The following RYR2 variants were observed in gnomAD, a reference collection of about 807,000 sequenced individuals.
RYR2 encodes the protein ryanodine receptor 2, also known as cardiac muscle ryanodine receptor-calcium release channel.
RYR2 carries 227 observed loss-of-function variants against 601.1 expected under a neutral mutation model. The ratio of observed to expected loss-of-function variants is 0.38; its 90% CI spans 0.34 to 0.42. RYR2 has a LOEUF of 0.42. RYR2 is among the 10% of genes least tolerant of loss of function. RYR2 has a pLI of 1.00. For missense variants in RYR2, 4,646 were observed against 6,156.5 expected (o/e 0.75, Z 8.21); for synonymous variants, 2,223 against 2,175.1 (o/e 1.02, Z -0.61).
Position 237,806,296 on chromosome 1 carries a change from T to C in RYR2, c.14298+13T>C, listed in dbSNP as rs759797542. 1.9e-6 allele frequency: 3 copies of C among 1,602,520 alleles called. No individual in the cohort carries two copies. The East Asian group carries it at 6.7e-5, about 36-fold the overall frequency. On this transcript the variant is annotated intron_variant, in intron 99 of 104. Coordinates refer to ENST00000366574, the MANE Select transcript of RYR2 (RefSeq NM_001035.3). ...CAATGGCAAACAGGTAAACAGTTTA[T>C]CTTTTTCCTCCCTTGCAGAAAATAA...
Position 237,687,481 on chromosome 1 carries a change from T to G in RYR2, c.9044T>G (p.Val3015Gly). Reference protein sequence around the residue: ...TSLFCKLGVLVRHRISLFGND... With the variant: ...TSLFCKLGVLGRHRISLFGND... ...CTATTCTGCAAACTTGGAGTTCTTG[T>G]CAGGCATAGGATTTCACTATTTGGT... The change falls in exon 63 of 105, where the codon GTC (valine) becomes GGC (glycine). Residue 3015 changes from valine (V) to glycine (G), a missense_variant. Val to Gly is a moderately radical substitution (Grantham distance 109). Around this residue, in one of 17 missense-constraint regions of RYR2, gnomAD observed 1,497 missense variants for 1,842.6 expected, o/e 0.81. Coordinates refer to ENST00000366574, the MANE Select transcript of RYR2 (RefSeq NM_001035.3). The G allele has an allele frequency of 1.2e-6, 2 of 1,609,116 alleles. No homozygotes were observed. The highest frequency in any genetic ancestry group is 1.7e-6 in the Non-Finnish European group (2 of 1,176,700).
chr1:237,419,407 C>T (rs913503258), intron 11 of RYR2, among the ~76,000 whole-genome samples: 4 of 151,946 alleles, frequency 2.6e-5, no homozygotes, highest in African/African-American at 9.7e-5. Flanking sequence ...ATTCTTCAAA[C>T]TTCTGAATTA....
chr1:237,783,568 G>A (rs766394453), intron 89 of RYR2, 107 bp from the exon 90 acceptor site: 2 of 665,900 alleles, frequency 3.0e-6, no homozygotes, highest in Admixed American at 2.9e-5. Flanking sequence ...AGATAAACAG[G>A]GACATATCCT....
chr1:237,118,924 G>A (rs1478696747), intron 1 of RYR2, among the ~76,000 whole-genome samples: 1 of 151,618 alleles, frequency 6.6e-6, no homozygotes, highest in Non-Finnish European at 1.5e-5. Flanking sequence ...ACGTGAAAAA[G>A]GAAAAACCCC....
rs1391708000 is a variant in RYR2 at position 237,614,063 on chromosome 1, A to G, written c.4935A>G (p.Thr1645=). 6.2e-7 allele frequency: 1 copy of G among 1,613,366 alleles called. No individual in the cohort carries two copies. ...GATCTGTTGACATCTTAGAGTTGAC[A>G]GAGCAGGAGGAATTGCTGAAATTTC... The part of the protein sequence containing the change: ...ENRSVDILEL[T]EQEELLKFHY... The change falls in exon 37 of 105, where the codon ACA becomes ACG. Residue 1645 remains threonine, a synonymous_variant. Coordinates refer to ENST00000366574, the MANE Select transcript of RYR2 (RefSeq NM_001035.3). This position sits in a 1 kb window ranked among gnomAD's most constrained non-coding sequence, Gnocchi z 4.3.
intron 84 of RYR2, among the ~76,000 whole-genome samples, chr1:237,765,811 C>T (rs1693807199): frequency 6.6e-6 from 1 of 152,168 alleles, no homozygotes; most frequent in African/African-American, 2.4e-5. Flanking sequence ...CTTTGAAGCG[C>T]TCATTTAAAT....
intron 4 of RYR2, among the ~76,000 whole-genome samples, chr1:237,358,536 T>A (rs190568603): frequency 6.6e-6 from 1 of 152,006 alleles, no homozygotes; most frequent in Admixed American, 6.6e-5. Context: ...GGAGCTTCTA[T>A]CCCCAGAAAA....
At chr1:237,545,271 A>G (rs1029610733) in intron 25 of RYR2, among the ~76,000 whole-genome samples, 7 of 152,258 alleles carry the variant, frequency 4.6e-5, no homozygotes, top group African/African-American at 9.6e-5. Context: ...TTCGCACATT[A>G]GCATAACTTG....
intron 1 of RYR2, among the ~76,000 whole-genome samples, chr1:237,043,724 T>C (rs961976240): frequency 6.6e-6 from 1 of 151,446 alleles, no homozygotes; most frequent in African/African-American, 2.4e-5. Flanking sequence ...TGCTGGTACT[T>C]CTTTCCTCAG....
rs1255793710 is a variant in RYR2 at position 237,610,942 on chromosome 1, T to C, written c.4864T>C (p.Leu1622=). The C allele has an allele frequency of 6.2e-7, 1 of 1,613,582 alleles. No homozygotes were observed. Among genetic ancestry groups the C allele is most frequent in the Admixed American group, 1.7e-5 (1 of 59,972 alleles). Residue 1622 remains leucine (L), a synonymous_variant, in exon 36 of 105, where the codon TTG becomes CTG. Transcript: ENST00000366574. The surrounding 1 kb of genome is among the most constrained non-coding windows in gnomAD (Gnocchi z 4.9). Reference sequence around the variant, plus strand: ...ACGCCAAGGCTGGTTGGTGCAGTGTTTGGATCCTCTGCAGTTCATGTCTCT... The same window carrying C: ...ACGCCAAGGCTGGTTGGTGCAGTGTCTGGATCCTCTGCAGTTCATGTCTCT... The part of the protein sequence containing the change: ...SERQGWLVQC[L]DPLQFMSLHI...
intron 48 of RYR2, among the ~76,000 whole-genome samples, chr1:237,647,428 G>GGGTGTAT (rs1573324986): frequency 6.6e-6 from 1 of 152,304 alleles, no homozygotes; most frequent in East Asian, 1.9e-4. Context: ...GTAAGGAAAG[G>GGGTGTAT]AATGTATTAG....
chr1:237,780,893 AGTT>A (rs1207973182), intron 88 of RYR2, among the ~76,000 whole-genome samples: 1 of 152,210 alleles, frequency 6.6e-6, no homozygotes, highest in Non-Finnish European at 1.5e-5. Flanking sequence ...ACCTAGAAGA[AGTT>A]AGAAAGTTAG....
intron 11 of RYR2, among the ~76,000 whole-genome samples, chr1:237,422,361 C>T (rs1032682225): frequency 6.6e-5 from 10 of 152,084 alleles, no homozygotes; most frequent in Non-Finnish European, 1.0e-4. Flanking sequence ...ATCATTTCTG[C>T]GCATTAACAA....
intron 1 of RYR2, among the ~76,000 whole-genome samples, chr1:237,111,634 G>A (rs1366261287): frequency 2.0e-5 from 3 of 149,890 alleles, no homozygotes; most frequent in East Asian, 2.0e-4. Context: ...AGTTCTGAGT[G>A]TGAAGTGTGC....
At chr1:237,471,939 C>G (rs1660770748) in intron 17 of RYR2, among the ~76,000 whole-genome samples, 1 of 152,130 alleles carries the variant, frequency 6.6e-6, no homozygotes, top group African/African-American at 2.4e-5. Context: ...ATGACTGACT[C>G]AAAATCTTAG....
At chr1:237,300,143 TA>T (rs1477137586) in intron 2 of RYR2, among the ~76,000 whole-genome samples, 1 of 152,196 alleles carries the variant, frequency 6.6e-6, no homozygotes, top group East Asian at 1.9e-4. Flanking sequence ...TCCATGGGTC[TA>T]ATATAGGGGA....
At chr1:237,786,848 G>A (rs576043871) in intron 91 of RYR2, among the ~76,000 whole-genome samples, 3 of 151,980 alleles carry the variant, frequency 2.0e-5, no homozygotes, top group Non-Finnish European at 2.9e-5. Context: ...TGTTTTCATC[G>A]TTATGTTTTT....
At position 237,819,429 on chromosome 1, in the gene RYR2, A is replaced by G. The variant is rs1195208510; in HGVS notation, c.14590+237A>G. Among the ~76,000 whole-genome samples, 2 of 152,172 alleles carry G rather than the reference A, an allele frequency of 1.3e-5. No homozygotes were observed. Among genetic ancestry groups the G allele is most frequent in the African/African-American group, 2.4e-5 (1 of 41,434 alleles). On this transcript the variant is annotated intron_variant, in intron 101 of 104. Transcript: ENST00000366574. This position sits in a 1 kb window ranked among gnomAD's most constrained non-coding sequence, Gnocchi z 4.0. ...TGTCTTCTTTCAAATAACATAATGG[A>G]AAAGGCACTTTCCTTGGTTTGATTC...
At chr1:237,552,165 T>A (rs1239628683) in intron 27 of RYR2, among the ~76,000 whole-genome samples, 1 of 152,178 alleles carries the variant, frequency 6.6e-6, no homozygotes, top group East Asian at 1.9e-4. Flanking sequence ...AATCAGTTGC[T>A]GTTAGGTGTG....
Sources: gnomAD v4.1 joint callset for allele counts (sites outside exome capture counted in the v4.1 genomes callset) on GRCh38, gnomAD v4.1.1 for gene constraint, gnomAD v4.1.1 regional missense constraint, Gnocchi (gnomAD v3.1) non-coding constraint, MANE v1.5 for transcripts, NCBI Gene and HGNC (gene_info 2026-07-23, HGNC 2026-07-21) for gene names.